Variants in LIN28A observed in about 807,000 individuals in gnomAD.
LIN28A encodes the protein protein lin-28 homolog A.
Under a neutral mutation model 21.1 loss-of-function variants are expected in LIN28A, and 11 were observed. That is an observed-to-expected ratio of 0.52 (90% CI 0.33 to 0.86). The LOEUF (loss-of-function observed/expected upper bound fraction) is 0.86. Among genes scored for constraint, LIN28A ranks in the 40% least tolerant of loss-of-function variants. LIN28A has a pLI of 0.03. For missense variants in LIN28A, 219 were observed against 279.8 expected (o/e 0.78, Z 1.55); for synonymous variants, 111 against 108.7 (o/e 1.02, Z -0.13).
chr1:26,420,197 G>A (rs577788255), intron 2 of LIN28A, among the ~76,000 whole-genome samples: 1 of 152,094 alleles, frequency 6.6e-6, no homozygotes, highest in East Asian at 1.9e-4. Flanking sequence ...TGAGCCTCAA[G>A]CTCAGAATCC....
chr1:26,411,730 C>A lies in LIN28A; in HGVS notation c.228+148C>A. ...TTGCTTCGGCACCCCAATTCTGAGTCCCTGTTAACTATCTCGTGGGGGAGT... is the reference window on the plus strand; with the variant it reads ...TTGCTTCGGCACCCCAATTCTGAGTACCTGTTAACTATCTCGTGGGGGAGT... On this transcript the variant is annotated intron_variant, in intron 2 of 3. Coordinates refer to ENST00000326279, the MANE Select transcript of LIN28A (RefSeq NM_024674.6). This position sits in a 1 kb window ranked among gnomAD's most constrained non-coding sequence, Gnocchi z 5.4. 1 of 755,144 alleles carries A rather than the reference C, an allele frequency of 1.3e-6. No individual in the cohort carries two copies. The allele number at this position is 755,144 out of a possible 1,614,324, so 46.8% of individuals were successfully genotyped here.
intron 3 of LIN28A, among the ~76,000 whole-genome samples, chr1:26,425,944 G>A (rs2075056466): frequency 6.6e-6 from 1 of 152,172 alleles, no homozygotes; most frequent in East Asian, 1.9e-4. Flanking sequence ...TTAAGGGTAT[G>A]GAAGAATCTC....
At chr1:26,425,213 T>C (rs2075051668) in intron 2 of LIN28A, 90 bp from the exon 3 acceptor site, 1 of 1,309,988 alleles carries the variant, frequency 7.6e-7, no homozygotes, top group African/African-American at 1.5e-5. Flanking sequence ...CCATCACATT[T>C]GATTCCTACC....
chr1:26,414,076 G>A (rs1319332958), intron 2 of LIN28A, among the ~76,000 whole-genome samples: 2 of 152,010 alleles, frequency 1.3e-5, no homozygotes, highest in African/African-American at 2.4e-5. Context: ...TGATCCGCCC[G>A]CCTTGGCCTC....
intron 2 of LIN28A, among the ~76,000 whole-genome samples, chr1:26,415,815 G>A (rs748062266): frequency 9.9e-5 from 15 of 152,064 alleles, no homozygotes; most frequent in Non-Finnish European, 1.6e-4. Flanking sequence ...TGGAAGCCAC[G>A]GATTTAGTGG....
At chr1:26,425,223 C>T in intron 2 of LIN28A, 80 bp from the exon 3 acceptor site, 1 of 1,385,576 alleles carries the variant, frequency 7.2e-7, no homozygotes, top group Non-Finnish European at 9.9e-7. Context: ...TGATTCCTAC[C>T]CTACAGGAAT....
rs2074955425 is a variant in LIN28A, at chr1:26,411,128, A to C, written c.31+206A>C. Among the ~76,000 whole-genome samples, 1 of 151,928 alleles carries C rather than the reference A, an allele frequency of 6.6e-6. No homozygotes were observed. Among genetic ancestry groups the C allele is most frequent in the Non-Finnish European group, 1.5e-5 (1 of 67,960 alleles). ...GACTACGTGGGTGGATGGAGAGGAG[A>C]GGCTTGTCCCGCCGTGAGTCTCTGG... On this transcript the variant is annotated intron_variant, in intron 1 of 3. Coordinates refer to ENST00000326279, the MANE Select transcript of LIN28A (RefSeq NM_024674.6). The surrounding 1 kb of genome is among the most constrained non-coding windows in gnomAD (Gnocchi z 5.4).
chr1:26,424,893 C>T (rs1309841825), intron 2 of LIN28A, among the ~76,000 whole-genome samples: 1 of 152,042 alleles, frequency 6.6e-6, no homozygotes, highest in Non-Finnish European at 1.5e-5. Context: ...AGGTGCCCGC[C>T]ACCACGCCCA....
intron 2 of LIN28A, among the ~76,000 whole-genome samples, chr1:26,415,540 A>T (rs1327126590): frequency 1.3e-5 from 2 of 152,176 alleles, no homozygotes. Context: ...TGGGCTGAGG[A>T]ATGAATAAGA....
chr1:26,418,784 G>A (rs529413001), intron 2 of LIN28A, among the ~76,000 whole-genome samples: 3 of 152,308 alleles, frequency 2.0e-5, no homozygotes, highest in South Asian at 2.1e-4. Context: ...TGGGCAGTGC[G>A]CAAGCCAGAG....
At chr1:26,425,059 T>G (rs1186148416) in intron 2 of LIN28A, among the ~76,000 whole-genome samples, 1 of 152,188 alleles carries the variant, frequency 6.6e-6, no homozygotes, top group Non-Finnish European at 1.5e-5. Flanking sequence ...TCTATTTTAT[T>G]AAGAACTTTA....
At chr1:26,424,534 G>A (rs1208512161) in intron 2 of LIN28A, among the ~76,000 whole-genome samples, 2 of 152,204 alleles carry the variant, frequency 1.3e-5, no homozygotes, top group Non-Finnish European at 2.9e-5. Flanking sequence ...GCCACCGTGT[G>A]TGGCTGAGCC....
At position 26,423,703 on chromosome 1, in the gene LIN28A, C is replaced by A. The variant is rs566212728; in HGVS notation, c.229-1600C>A. ...CTGGGATTACAGGCATGAGCCATTG[C>A]GCACGGCCCATTAGTATTATTTCTT... On this transcript the variant is annotated intron_variant, in intron 2 of 3. Transcript: ENST00000326279. 2.6e-5 allele frequency among the ~76,000 whole-genome samples: 4 copies of A among 152,030 alleles called. 1 individual carries two copies. The South Asian group carries it at 8.3e-4, about 32-fold the overall frequency.
chr1:26,428,172 TTC>T lies in LIN28A; in HGVS notation c.*1716_*1717del, dbSNP rs1267593865. 1 of 152,690 alleles carries T rather than the reference TTC, an allele frequency of 6.5e-6. No individual in the cohort carries two copies. The highest frequency in any genetic ancestry group is 1.5e-5 in the Non-Finnish European group (1 of 68,046). The allele number at this position is 152,690 out of a possible 1,614,324, so 9.5% of individuals were successfully genotyped here. ...TTCTTTGGGGGTTTTGTTTACAAAC[TTC>T]TTTTTGTATTGAGAGAAAAATAGCC... On this transcript the variant is annotated 3_prime_UTR_variant, in exon 4 of 4. Transcript: ENST00000326279.
intron 2 of LIN28A, among the ~76,000 whole-genome samples, chr1:26,418,924 G>A (rs547117063): frequency 3.2e-4 from 48 of 152,294 alleles, no homozygotes; most frequent in African/African-American, 9.1e-4. Context: ...AATGTGGGGA[G>A]GAGGGAGAGG....
chr1:26,423,190 C>A (rs541453898), intron 2 of LIN28A, among the ~76,000 whole-genome samples: 2 of 151,126 alleles, frequency 1.3e-5, no homozygotes, highest in African/African-American at 4.9e-5. Flanking sequence ...TACAGGTCTG[C>A]GCACCATACC....
Position 26,411,554 on chromosome 1 carries a change from A to AC in LIN28A, c.206dup (p.Val70SerfsTer9), listed in dbSNP as rs756465040. ...ACCGCCCGCGCCGGGGTCGCGCTCGACCCCCCAGTGGATGTCTTTGTGCAC... is the reference window on the plus strand; with the variant it reads ...ACCGCCCGCGCCGGGGTCGCGCTCGACCCCCCCAGTGGATGTCTTTGTGCAC... On this transcript the variant is annotated frameshift_variant, in exon 2 of 4. Coordinates refer to ENST00000326279, the MANE Select transcript of LIN28A (RefSeq NM_024674.6). LOFTEE classifies it high-confidence loss of function. The surrounding 1 kb of genome is among the most constrained non-coding windows in gnomAD (Gnocchi z 5.4). The AC allele has an allele frequency of 3.1e-6, 5 of 1,613,232 alleles. No individual in the cohort carries two copies. In the Admixed American group the frequency reaches 6.7e-5, roughly 22 times the overall value.
intron 3 of LIN28A, 88 bp downstream of exon 3, chr1:26,425,575 C>T (rs2075053857): frequency 5.6e-6 from 7 of 1,255,680 alleles, no homozygotes; most frequent in Admixed American, 4.1e-5. Context: ...CTGCAAAAGA[C>T]AAAGGGAAGC....
intron 2 of LIN28A, among the ~76,000 whole-genome samples, chr1:26,422,089 A>T (rs1342163120): frequency 6.6e-6 from 1 of 150,404 alleles, no homozygotes; most frequent in Admixed American, 6.6e-5. Context: ...GCTCACTGCA[A>T]CCTCTGCCTC....
Sources: gnomAD v4.1 joint callset for allele counts (sites outside exome capture counted in the v4.1 genomes callset) on GRCh38, gnomAD v4.1.1 for gene constraint, Gnocchi (gnomAD v3.1) non-coding constraint, MANE v1.5 for transcripts, NCBI Gene and HGNC (gene_info 2026-07-23, HGNC 2026-07-21) for gene names.